The following RPS6KB1 variants were observed in gnomAD, a reference collection of about 807,000 sequenced individuals.
RPS6KB1 encodes ribosomal protein S6 kinase beta-1.
A neutral mutation model predicts 70.2 loss-of-function variants in RPS6KB1; 12 were observed. The observed-to-expected ratio is 0.17, with a 90% CI of 0.11 to 0.28. The LOEUF (loss-of-function observed/expected upper bound fraction) is 0.28. RPS6KB1 is among the 10% of genes least tolerant of loss of function. The probability of loss-of-function intolerance (pLI) is 1.00; values close to 1 mark genes in which losing one functional copy is unlikely to be tolerated. For synonymous variants in RPS6KB1, 175 were observed against 211.2 expected (o/e 0.83, Z 1.49); for missense variants, 270 against 646.6 (o/e 0.42, Z 6.32).
rs25543 is a variant in RPS6KB1 at position 59,950,509 on chromosome 17, T to TTTCA, written c.*3723_*3724insCATT. On this transcript the variant is annotated 3_prime_UTR_variant, in exon 15 of 15. Transcript: ENST00000225577. ...AGGTGTATAAATGGTTTAAATTTAT[T>TTTCA]TTAACATGTCAGATGTGTTCAAGTT... 0.51 allele frequency: 77,793 copies of TTTCA among 151,746 alleles called. 20,642 individuals are homozygous for TTTCA. Among genetic ancestry groups the TTTCA allele is most frequent in the African/African-American group, 0.66 (27,259 of 41,292 alleles). 9.4% of individuals were successfully genotyped at this position (151,746 alleles called of 1,614,324 possible). A position where few individuals can be genotyped will look rare whatever the true frequency, so the allele number is the denominator to read the frequency against.
At chr17:59,925,547 G>A (rs2043555883) in intron 4 of RPS6KB1, among the ~76,000 whole-genome samples, 1 of 149,588 alleles carries the variant, frequency 6.7e-6, no homozygotes, top group Non-Finnish European at 1.5e-5. Context: ...TATTATACTA[G>A]CCTCCTAACT....
intron 4 of RPS6KB1, among the ~76,000 whole-genome samples, chr17:59,922,849 C>T (rs2043357242): frequency 6.7e-6 from 1 of 149,020 alleles, no homozygotes; most frequent in African/African-American, 2.5e-5. Context: ...TGGCCCTATA[C>T]TCTCTTTTAA....
chr17:59,910,151 C>T (rs2042547011), intron 1 of RPS6KB1, among the ~76,000 whole-genome samples: 1 of 150,586 alleles, frequency 6.6e-6, no homozygotes, highest in South Asian at 2.1e-4. Flanking sequence ...GGCACCGCTG[C>T]ACTCCAGTCT....
In RPS6KB1 at chr17:59,949,886, T is replaced by C. The variant is rs1195637967; in HGVS notation, c.*3098T>C. The C allele has an allele frequency of 6.6e-6, 1 of 152,522 alleles. No individual in the cohort carries two copies. The highest frequency in any genetic ancestry group is 1.9e-4 in the East Asian group (1 of 5,202). The allele number at this position is 152,522 out of a possible 1,614,324, so 9.4% of individuals were successfully genotyped here. A position where few individuals can be genotyped will look rare whatever the true frequency, so the allele number is the denominator to read the frequency against. On this transcript the variant is annotated 3_prime_UTR_variant, in exon 15 of 15. Coordinates refer to ENST00000225577, the MANE Select transcript of RPS6KB1 (RefSeq NM_003161.4). ...GATTATATATTTAATATAGGACCTA[T>C]TTTGAATATTCAGTTAATCATATGG...
At chr17:59,919,678 C>G (rs1479440696) in intron 4 of RPS6KB1, among the ~76,000 whole-genome samples, 3 of 149,532 alleles carry the variant, frequency 2.0e-5, no homozygotes, top group African/African-American at 7.4e-5. Context: ...TTTTTTTTGT[C>G]CCGGGGAATT....
intron 7 of RPS6KB1, among the ~76,000 whole-genome samples, chr17:59,933,027 G>A (rs1411153954): frequency 1.3e-5 from 2 of 152,132 alleles, no homozygotes; most frequent in Non-Finnish European, 2.9e-5. Flanking sequence ...CAATTCACTC[G>A]TACCCCAAAG....
chr17:59,893,762 C>T lies in RPS6KB1; in HGVS notation c.141+437C>T, dbSNP rs2041304956. On this transcript the variant is annotated intron_variant, in intron 1 of 14. Coordinates refer to ENST00000225577, the MANE Select transcript of RPS6KB1 (RefSeq NM_003161.4). This position sits in a 1 kb window ranked among gnomAD's most constrained non-coding sequence, Gnocchi z 4.1. Reference sequence around the variant, plus strand: ...ATTGAATCTTCAGACCTCCCACAACCACCTCTCTTCTCGGCCTGTCGCTTC... The same window carrying T: ...ATTGAATCTTCAGACCTCCCACAACTACCTCTCTTCTCGGCCTGTCGCTTC... 1.0e-6 allele frequency: 1 copy of T among 992,118 alleles called. No homozygotes were observed. Among genetic ancestry groups the T allele is most frequent in the Non-Finnish European group, 1.2e-6 (1 of 833,546 alleles). 61.5% of individuals were successfully genotyped at this position (992,118 alleles called of 1,614,324 possible). A position where few individuals can be genotyped will look rare whatever the true frequency, so the allele number is the denominator to read the frequency against.
At chr17:59,899,711 G>T (rs979538051) in intron 1 of RPS6KB1, among the ~76,000 whole-genome samples, 9 of 152,024 alleles carry the variant, frequency 5.9e-5, no homozygotes, top group Admixed American at 2.0e-4. Flanking sequence ...GTGAGAATTG[G>T]TTTTTTCCCC....
intron 13 of RPS6KB1, among the ~76,000 whole-genome samples, chr17:59,943,907 C>CATATATATATATATATATATAT (rs2044766606): frequency 7.5e-6 from 1 of 133,278 alleles, no homozygotes; most frequent in Non-Finnish European, 1.7e-5. Flanking sequence ...TATATATATA[C>CATATATATATATATATATATAT]ACATATATAT....
At chr17:59,929,627 C>T (rs1047139085) in intron 5 of RPS6KB1, among the ~76,000 whole-genome samples, 2 of 152,112 alleles carry the variant, frequency 1.3e-5, no homozygotes, top group African/African-American at 4.8e-5. Flanking sequence ...CTTTTATTAT[C>T]ATTATTTATT....
rs1436657592 is a variant in RPS6KB1, at chr17:59,893,993, C to T, written c.141+668C>T. ...TTTTTAAAATAAGCATTTATAAGGACACACGGCACTTGTAACCTTTCCCCA... is the reference window on the plus strand; with the variant it reads ...TTTTTAAAATAAGCATTTATAAGGATACACGGCACTTGTAACCTTTCCCCA... On this transcript the variant is annotated intron_variant, in intron 1 of 14. Coordinates refer to ENST00000225577, the MANE Select transcript of RPS6KB1 (RefSeq NM_003161.4). The surrounding 1 kb of genome is among the most constrained non-coding windows in gnomAD (Gnocchi z 4.1). 9 of 925,286 alleles carry T rather than the reference C, an allele frequency of 9.7e-6. No individual in the cohort carries two copies. Among genetic ancestry groups the T allele is most frequent in the Non-Finnish European group, 1.2e-5 (9 of 776,246 alleles). The allele number at this position is 925,286 out of a possible 1,614,324, so 57.3% of individuals were successfully genotyped here.
At chr17:59,902,787 C>T (rs1357661660) in intron 1 of RPS6KB1, among the ~76,000 whole-genome samples, 14 of 151,860 alleles carry the variant, frequency 9.2e-5, no homozygotes, top group African/African-American at 2.9e-4. Flanking sequence ...GATTTTGTCC[C>T]GGTTGGTTTT....
Position 59,947,493 on chromosome 17 carries a change from T to C in RPS6KB1, c.*705T>C. ...CTGTGGCTCGTTTGAGGGATTGGGG[T>C]GGACCTGGGGTTTATTTTCAGTAAC... On this transcript the variant is annotated 3_prime_UTR_variant, in exon 15 of 15. Coordinates refer to ENST00000225577, the MANE Select transcript of RPS6KB1 (RefSeq NM_003161.4). The C allele has an allele frequency of 6.8e-7, 1 of 1,474,598 alleles. No individual in the cohort carries two copies. The allele number at this position is 1,474,598 out of a possible 1,614,324, so 91.3% of individuals were successfully genotyped here.
intron 4 of RPS6KB1, among the ~76,000 whole-genome samples, chr17:59,915,012 G>A (rs1348362850): frequency 2.7e-5 from 4 of 149,720 alleles, no homozygotes; most frequent in African/African-American, 4.9e-5. Flanking sequence ...TTTTTGAGAC[G>A]TAGTCGCGCT....
At chr17:59,902,110 T>TC (rs1347888191) in intron 1 of RPS6KB1, among the ~76,000 whole-genome samples, 1 of 139,780 alleles carries the variant, frequency 7.2e-6, no homozygotes, top group Non-Finnish European at 1.6e-5. Context: ...CTTTTTTTTT[T>TC]TTTTTTTTTT....
chr17:59,929,015 G>T (rs1299690097), intron 5 of RPS6KB1, among the ~76,000 whole-genome samples: 1 of 152,136 alleles, frequency 6.6e-6, no homozygotes, highest in Non-Finnish European at 1.5e-5. Flanking sequence ...GTATAAGGTG[G>T]TGTCTGCTGA....
intron 1 of RPS6KB1, among the ~76,000 whole-genome samples, chr17:59,908,092 C>T (rs2095078990): frequency 6.6e-6 from 1 of 152,026 alleles, no homozygotes; most frequent in African/African-American, 2.4e-5. Context: ...CATTATGTTA[C>T]TCTGTGTATT....
intron 4 of RPS6KB1, 48 bp downstream of exon 4, chr17:59,914,751 C>A: frequency 7.7e-7 from 1 of 1,304,652 alleles, no homozygotes; most frequent in African/African-American, 1.5e-5. Context: ...TATTTTTACA[C>A]TTGATCTCAG....
intron 1 of RPS6KB1, among the ~76,000 whole-genome samples, chr17:59,900,652 C>T (rs1374516093): frequency 2.0e-5 from 3 of 152,176 alleles, no homozygotes; most frequent in Middle Eastern, 3.4e-3. Flanking sequence ...GCGTGAGCCA[C>T]GCGCCTGGCC....
Sources: allele counts gnomAD v4.1 joint callset (sites outside exome capture counted in the v4.1 genomes callset), GRCh38; gene constraint gnomAD v4.1.1; non-coding constraint Gnocchi (gnomAD v3.1); transcripts MANE v1.5; gene names NCBI Gene and HGNC (gene_info 2026-07-23, HGNC 2026-07-21).